Variants in ENPP1 observed in about 807,000 individuals in gnomAD.
ENPP1 encodes the protein ectonucleotide pyrophosphatase/phosphodiesterase family member 1.
In ENPP1, 73 loss-of-function variants were observed where a neutral mutation model predicts 122.8. The observed-to-expected ratio is 0.59, with a 90% CI of 0.49 to 0.72. The LOEUF (loss-of-function observed/expected upper bound fraction) is 0.72. Among genes scored for constraint, ENPP1 ranks in the 30% least tolerant of loss-of-function variants. ENPP1 has a pLI of 0.00. For synonymous variants in ENPP1, 367 were observed against 391.6 expected (o/e 0.94, Z 0.74); for missense variants, 978 against 1,128.1 (o/e 0.87, Z 1.91).
At chr6:131,864,328 C>T (rs1782060969) in intron 9 of ENPP1, among the ~76,000 whole-genome samples, 178 bp from the exon 10 acceptor site, 1 of 152,118 alleles carries the variant, frequency 6.6e-6, no homozygotes, top group South Asian at 2.1e-4. Context: ...CTGTGTAAAA[C>T]CTAACTTTCA....
intron 1 of ENPP1, among the ~76,000 whole-genome samples, chr6:131,825,826 C>A (rs1342137545): frequency 2.0e-5 from 3 of 151,946 alleles, no homozygotes; most frequent in African/African-American, 7.3e-5. Flanking sequence ...AAATTGTGTT[C>A]CCTTTCTAAT....
intron 1 of ENPP1, chr6:131,826,757 C>T (rs1231398066): frequency 8.4e-6 from 4 of 474,516 alleles, no homozygotes; most frequent in Non-Finnish European, 1.6e-5. Flanking sequence ...GGCTACTCTG[C>T]AAGTAGAGGG....
At chr6:131,826,189 CT>C in intron 1 of ENPP1, 2 of 899,686 alleles carry the variant, frequency 2.2e-6, no homozygotes, top group Non-Finnish European at 3.8e-6. Flanking sequence ...CATCAAGCTA[CT>C]TTTCCCCAAA....
chr6:131,809,512 TG>T (rs1332539760), intron 1 of ENPP1, among the ~76,000 whole-genome samples: 1 of 152,228 alleles, frequency 6.6e-6, no homozygotes, highest in African/African-American at 2.4e-5. Flanking sequence ...TTTTGCATCT[TG>T]TAACACTGTT....
intron 13 of ENPP1, among the ~76,000 whole-genome samples, chr6:131,871,722 A>T (rs1359225989): frequency 6.6e-6 from 1 of 152,168 alleles, no homozygotes; most frequent in African/African-American, 2.4e-5. Context: ...GGATGGATGG[A>T]TGATGGATAT....
Position 131,877,073 on chromosome 6 carries a change from C to G in ENPP1, c.1805C>G (p.Pro602Arg), listed in dbSNP as rs566680323. The G allele has an allele frequency of 6.2e-7, 1 of 1,613,966 alleles. No homozygotes were observed. The highest frequency in any genetic ancestry group is 8.5e-7 in the Non-Finnish European group (1 of 1,179,930). The change falls in exon 18 of 25, where the codon CCA (proline) becomes CGA (arginine). Residue 602 changes from proline (P) to arginine (R), a missense_variant. This residue lies in a region of ENPP1 where 644 missense variants were observed against 781.5 expected (regional missense o/e 0.82). Coordinates refer to ENST00000647893, the MANE Select transcript of ENPP1 (RefSeq NM_006208.3). ...CTTCTAAAGAATCCTGTTTATACGC[C>G]AAAGCATCCCAAAGAAGTGCACCCC... Reference protein sequence around the residue: ...NHLLKNPVYTPKHPKEVHPLV... With the variant: ...NHLLKNPVYTRKHPKEVHPLV...
intron 1 of ENPP1, among the ~76,000 whole-genome samples, chr6:131,832,178 T>A (rs149089496): frequency 9.2e-5 from 14 of 152,224 alleles, no homozygotes; most frequent in East Asian, 1.9e-4. Context: ...TGACTTGTTT[T>A]TTTTTTTCCT....
intron 1 of ENPP1, among the ~76,000 whole-genome samples, chr6:131,817,079 G>A (rs537103331): frequency 2.8e-4 from 43 of 152,284 alleles, no homozygotes; most frequent in African/African-American, 8.9e-4. Context: ...TTCAGATGTA[G>A]GTGGTTGATT....
At chr6:131,824,040 T>C (rs1202799872) in intron 1 of ENPP1, among the ~76,000 whole-genome samples, 1 of 151,666 alleles carries the variant, frequency 6.6e-6, no homozygotes, top group Non-Finnish European at 1.5e-5. Context: ...GAGTTTTTAC[T>C]GTGTGGGCAG....
At chr6:131,855,710 T>G (rs1781938111) in intron 6 of ENPP1, among the ~76,000 whole-genome samples, 1 of 152,104 alleles carries the variant, frequency 6.6e-6, no homozygotes, top group South Asian at 2.1e-4. Context: ...ACATAGAATA[T>G]TTGTCAGTTA....
chr6:131,879,881 G>A lies in ENPP1; in HGVS notation c.1947G>A (p.Glu649=). The change falls in exon 20 of 25, where the codon GAG becomes GAA. Residue 649 remains glutamate (E), a splice_region_variant and synonymous_variant. Transcript: ENST00000647893. ...TTTATTTTCATCCTGTGACCCAAGA[G>A]AAGATTATTAAGCATGAAACTTTAC... ...QTQFNLTVAE[E]KIIKHETLPY... 1 of 1,613,028 alleles carries A rather than the reference G, an allele frequency of 6.2e-7. No individual in the cohort carries two copies. The highest frequency in any genetic ancestry group is 8.5e-7 in the Non-Finnish European group (1 of 1,179,082).
At chr6:131,878,658 C>T (rs375711368) in intron 19 of ENPP1, 65 bp downstream of exon 19, 3 of 1,178,750 alleles carry the variant, frequency 2.5e-6, no homozygotes, top group Non-Finnish European at 3.8e-6. Flanking sequence ...GTGTGAAATG[C>T]AGAGAACTGG....
At chr6:131,889,747 A>T (rs1208248486) in intron 24 of ENPP1, among the ~76,000 whole-genome samples, 1 of 152,144 alleles carries the variant, frequency 6.6e-6, no homozygotes. Context: ...GCTGCACTGA[A>T]CATATGCGTG....
intron 1 of ENPP1, among the ~76,000 whole-genome samples, chr6:131,836,811 C>T (rs1346984024): frequency 6.6e-6 from 1 of 152,160 alleles, no homozygotes; most frequent in African/African-American, 2.4e-5. Flanking sequence ...AGCCAATATT[C>T]TTCCTTTTAT....
intron 24 of ENPP1, among the ~76,000 whole-genome samples, chr6:131,888,217 G>T (rs1157282807): frequency 6.8e-6 from 1 of 146,638 alleles, no homozygotes; most frequent in Non-Finnish European, 1.5e-5. Flanking sequence ...ATTTCTTTCA[G>T]AGTACTTCCT....
intron 1 of ENPP1, among the ~76,000 whole-genome samples, chr6:131,815,610 T>C (rs1199008092): frequency 6.6e-6 from 1 of 152,188 alleles, no homozygotes; most frequent in Non-Finnish European, 1.5e-5. Context: ...AAATCCTTGG[T>C]GGTCACATTG....
intron 1 of ENPP1, chr6:131,827,277 C>G: frequency 1.5e-6 from 2 of 1,306,506 alleles, no homozygotes; most frequent in Non-Finnish European, 2.2e-6. Context: ...GGAGAAGCGT[C>G]TGGAATAAAA....
intron 1 of ENPP1, among the ~76,000 whole-genome samples, chr6:131,835,611 A>T (rs1199608465): frequency 6.6e-6 from 1 of 151,990 alleles, no homozygotes; most frequent in Non-Finnish European, 1.5e-5. Context: ...CAGAATGTGC[A>T]GGTTTGTTTC....
chr6:131,808,226 C>G lies in ENPP1; in HGVS notation c.191C>G (p.Ala64Gly). Reference sequence around the variant, plus strand: ...GGGGAGGAGCCGCTGGAGAAGGCGGCGCGCGCCCGCACTGCCAAGGACCCC... The same window carrying G: ...GGGGAGGAGCCGCTGGAGAAGGCGGGGCGCGCCCGCACTGCCAAGGACCCC... ...DVGEEPLEKAARARTAKDPNT... is the reference protein window; with the variant it reads ...DVGEEPLEKAGRARTAKDPNT... Residue 64 changes from alanine to glycine, a missense_variant, in exon 1 of 25, where the codon GCG becomes GGG. By Grantham distance (60) the Ala-to-Gly change is moderately conservative (BLOSUM62 0). Around this residue, in one of 3 missense-constraint regions of ENPP1, gnomAD observed 330 missense variants for 328.5 expected, o/e 1.00. Coordinates refer to ENST00000647893, the MANE Select transcript of ENPP1 (RefSeq NM_006208.3). 2 of 1,514,808 alleles carry G rather than the reference C, an allele frequency of 1.3e-6. No individual in the cohort carries two copies. Among genetic ancestry groups the G allele is most frequent in the Non-Finnish European group, 1.8e-6 (2 of 1,131,400 alleles). The allele number at this position is 1,514,808 out of a possible 1,614,324, so 93.8% of individuals were successfully genotyped here.
Sources: gnomAD v4.1 joint callset for allele counts (sites outside exome capture counted in the v4.1 genomes callset) on GRCh38, gnomAD v4.1.1 for gene constraint, gnomAD v4.1.1 regional missense constraint, MANE v1.5 for transcripts, NCBI Gene and HGNC (gene_info 2026-07-23, HGNC 2026-07-21) for gene names.